PDK1: variants seen among roughly 807,000 people sequenced by gnomAD.
PDK1 encodes the protein pyruvate dehydrogenase kinase 1.
PDK1 carries 39 observed loss-of-function variants against 54.2 expected under a neutral mutation model. The ratio of observed to expected loss-of-function variants is 0.72; its 90% CI spans 0.56 to 0.94. The LOEUF is 0.94. PDK1 is among the 40% of genes least tolerant of loss of function. The probability of loss-of-function intolerance (pLI) is 0.00; values close to 1 mark genes in which losing one functional copy is unlikely to be tolerated. For missense variants in PDK1, 552 were observed against 566.0 expected (o/e 0.98, Z 0.25); for synonymous variants, 221 against 207.1 (o/e 1.07, Z -0.58).
At chr2:172,594,895 A>G (rs538148646) in intron 10 of PDK1, among the ~76,000 whole-genome samples, 52 of 152,332 alleles carry the variant, frequency 3.4e-4, no homozygotes, top group African/African-American at 1.0e-3. Flanking sequence ...AATTACTGGT[A>G]ATAATATATG....
the PDK1 span, among the ~76,000 whole-genome samples, chr2:172,628,744 G>A: frequency 7.9e-5 from 12 of 151,952 alleles, 1 homozygote; most frequent in African/African-American, 2.7e-4. Flanking sequence ...GACTGTAACA[G>A]AGTATTCCAT....
the PDK1 span, among the ~76,000 whole-genome samples, chr2:172,687,389 A>G: frequency 6.6e-6 from 1 of 152,138 alleles, no homozygotes; most frequent in Admixed American, 6.5e-5. Context: ...TGTTAAATGC[A>G]TCACAAATCC....
intron 6 of PDK1, among the ~76,000 whole-genome samples, chr2:172,568,220 C>T (rs1178790289): frequency 6.8e-6 from 1 of 147,470 alleles, no homozygotes; most frequent in Non-Finnish European, 1.5e-5. Context: ...CCCAGCTACT[C>T]GGGAGGCTGA....
chr2:172,721,445 A>C, the PDK1 span, among the ~76,000 whole-genome samples: 1 of 152,072 alleles, frequency 6.6e-6, no homozygotes, highest in African/African-American at 2.4e-5. Context: ...GGTTCAAGCA[A>C]TTCTGCCTCA....
the PDK1 span, among the ~76,000 whole-genome samples, chr2:172,703,762 CTTTCTTTTTTT>C: frequency 1.9e-5 from 2 of 103,256 alleles, no homozygotes; most frequent in Non-Finnish European, 3.9e-5. Flanking sequence ...TTCTTTCTTT[CTTTCTTTTTTT>C]TTTTTTTTTT....
At position 172,605,735 on chromosome 2, in the gene PDK1, G is replaced by A. The variant is rs1224024913; in HGVS notation, c.*9766G>A. Reference sequence around the variant, plus strand: ...AAGCTGTGCTGAGTGGGTTTCTTTAGATTTTCATTTTCATGTTTGCCCCAT... The same window carrying A: ...AAGCTGTGCTGAGTGGGTTTCTTTAAATTTTCATTTTCATGTTTGCCCCAT... On this transcript the variant is annotated 3_prime_UTR_variant, in exon 11 of 11. Transcript: ENST00000282077. 6.6e-6 allele frequency: 1 copy of A among 152,094 alleles called. No individual in the cohort carries two copies. Among genetic ancestry groups the A allele is most frequent in the African/African-American group, 2.4e-5 (1 of 41,416 alleles). 9.4% of individuals were successfully genotyped at this position (152,094 alleles called of 1,614,324 possible). A position where few individuals can be genotyped will look rare whatever the true frequency, so the allele number is the denominator to read the frequency against.
intron 8 of PDK1, among the ~76,000 whole-genome samples, chr2:172,583,288 T>G (rs866603003): frequency 0.018 from 2,100 of 119,652 alleles, 24 homozygotes; most frequent in South Asian, 0.05. Context: ...CTGGTTTTTT[T>G]TTTTTTTTTT....
chr2:172,680,140 C>T, the PDK1 span, among the ~76,000 whole-genome samples: 1 of 152,176 alleles, frequency 6.6e-6, no homozygotes, highest in African/African-American at 2.4e-5. Flanking sequence ...CAGCCAGGTG[C>T]TTCTTCCTTG....
Position 172,596,049 on chromosome 2 carries a change from C to A in PDK1, c.*80C>A, listed in dbSNP as rs2149303597. 8.6e-7 allele frequency: 1 copy of A among 1,165,072 alleles called. No homozygotes were observed. The highest frequency in any genetic ancestry group is 1.2e-6 in the Non-Finnish European group (1 of 833,246). 72.2% of individuals were successfully genotyped at this position (1,165,072 alleles called of 1,614,324 possible). On this transcript the variant is annotated 3_prime_UTR_variant, in exon 11 of 11. Coordinates refer to ENST00000282077, the MANE Select transcript of PDK1 (RefSeq NM_002610.5). ...GTATGGTGTTCAGAACTATATTATA[C>A]CAAGTACTTTATTTATCGTTTTCAC...
At chr2:172,701,474 C>T in the PDK1 span, among the ~76,000 whole-genome samples, 5 of 152,138 alleles carry the variant, frequency 3.3e-5, no homozygotes, top group Non-Finnish European at 7.4e-5. Flanking sequence ...ATGCAGGAGT[C>T]AGAGTTAGAA....
rs980719266 is a variant in PDK1 at position 172,600,452 on chromosome 2, C to G, written c.*4483C>G. On this transcript the variant is annotated 3_prime_UTR_variant, in exon 11 of 11. Coordinates refer to ENST00000282077, the MANE Select transcript of PDK1 (RefSeq NM_002610.5). ...CTATTTCTTTTCATCTCTTTACTCT[C>G]AGTATCTCCATAATGGCCAGTATGT... 6.6e-6 allele frequency: 1 copy of G among 152,176 alleles called. No individual in the cohort carries two copies. Among genetic ancestry groups the G allele is most frequent in the Admixed American group, 6.5e-5 (1 of 15,272 alleles). The allele number at this position is 152,176 out of a possible 1,614,324, so 9.4% of individuals were successfully genotyped here. A position where few individuals can be genotyped will look rare whatever the true frequency, so the allele number is the denominator to read the frequency against.
chr2:172,657,209 G>T, the PDK1 span, among the ~76,000 whole-genome samples: 4 of 151,606 alleles, frequency 2.6e-5, no homozygotes, highest in Non-Finnish European at 5.9e-5. Context: ...ATTGTTAAAT[G>T]GAGATGGGGT....
At chr2:172,561,358 A>G (rs1688646628) in intron 2 of PDK1, among the ~76,000 whole-genome samples, 1 of 152,240 alleles carries the variant, frequency 6.6e-6, no homozygotes, top group Non-Finnish European at 1.5e-5. Context: ...TTTGGAATGC[A>G]GTAAGACATA....
At chr2:172,620,885 C>G in the PDK1 span, among the ~76,000 whole-genome samples, 1 of 152,180 alleles carries the variant, frequency 6.6e-6, no homozygotes, top group African/African-American at 2.4e-5. Flanking sequence ...CCAATTACAT[C>G]TCTTTTATTT....
the PDK1 span, among the ~76,000 whole-genome samples, chr2:172,703,563 G>A: frequency 6.6e-6 from 1 of 151,864 alleles, no homozygotes; most frequent in Non-Finnish European, 1.5e-5. Flanking sequence ...ACAATAATAA[G>A]CAGGTGCTAA....
chr2:172,650,136 T>G, the PDK1 span, among the ~76,000 whole-genome samples: 1 of 152,142 alleles, frequency 6.6e-6, no homozygotes, highest in Non-Finnish European at 1.5e-5. Context: ...TAACAGCGGA[T>G]CTCTCTGCAG....
At chr2:172,647,311 C>G in the PDK1 span, among the ~76,000 whole-genome samples, 2 of 152,070 alleles carry the variant, frequency 1.3e-5, no homozygotes, top group Non-Finnish European at 2.9e-5. Flanking sequence ...TTGAGGGACC[C>G]TTGTGGTGAT....
At chr2:172,595,732 T>C in intron 10 of PDK1, 97 bp from the exon 11 acceptor site, 1 of 919,894 alleles carries the variant, frequency 1.1e-6, no homozygotes. Flanking sequence ...TAGAATATTA[T>C]TTAATTTGTC....
Position 172,593,031 on chromosome 2 carries a change from G to A in PDK1, c.1153G>A (p.Ala385Thr), listed in dbSNP as rs770819701. ...TTCCCTAGAGGGTTACGGGACAGATGCAGTTATCTACATTAAGGTAATAGC... is the reference window on the plus strand; with the variant it reads ...TTCCCTAGAGGGTTACGGGACAGATACAGTTATCTACATTAAGGTAATAGC... ...LYSLEGYGTD[A>T]VIYIKALSTD... The change falls in exon 10 of 11, where the codon GCA becomes ACA. Residue 385 changes from alanine to threonine, a missense_variant. Transcript: ENST00000282077. 8 of 1,566,800 alleles carry A rather than the reference G, an allele frequency of 5.1e-6. No homozygotes were observed. The South Asian group carries it at 7.8e-5, about 15-fold the overall frequency.
Sources: allele counts gnomAD v4.1 joint callset (sites outside exome capture counted in the v4.1 genomes callset), GRCh38; gene constraint gnomAD v4.1.1; transcripts MANE v1.5; gene names NCBI Gene and HGNC (gene_info 2026-07-23, HGNC 2026-07-21).